Variants in CNTN5 observed in about 807,000 individuals in gnomAD.
CNTN5 encodes the protein contactin-5.
CNTN5 carries 77 observed loss-of-function variants against 129.1 expected under a neutral mutation model. That is an observed-to-expected ratio of 0.60 (90% CI 0.50 to 0.72). CNTN5 has a LOEUF of 0.72. Ranked by LOEUF, CNTN5 falls within the 30% of genes least tolerant of loss-of-function variation. The pLI is 0.00. For missense variants in CNTN5, 1,478 were observed against 1,328.8 expected, an observed-to-expected ratio of 1.11 and a Z score of -1.75; for synonymous variants, 509 against 465.6, an observed-to-expected ratio of 1.09 and a Z score of -1.20.
intron 1 of CNTN5, among the ~76,000 whole-genome samples, chr11:99,267,360 G>T (rs892455301): frequency 1.3e-5 from 2 of 151,986 alleles, no homozygotes; most frequent in African/African-American, 4.8e-5. Flanking sequence ...ATGGAATGAT[G>T]AAGAAAATAT....
At chr11:100,120,096 C>CT (rs34801879) in intron 13 of CNTN5, among the ~76,000 whole-genome samples, 120,595 of 151,780 alleles carry the variant, frequency 0.79, 48,683 homozygotes, top group East Asian at 1. Flanking sequence ...ATAATATCTC[C>CT]TTTATGCCTG....
intron 1 of CNTN5, among the ~76,000 whole-genome samples, chr11:99,131,524 AAG>A (rs1366451843): frequency 6.6e-6 from 1 of 152,044 alleles, no homozygotes; most frequent in Non-Finnish European, 1.5e-5. Context: ...TAAAGAAGAA[AAG>A]AGAGAAGATT....
intron 1 of CNTN5, among the ~76,000 whole-genome samples, chr11:99,106,157 A>G (rs2135367164): frequency 6.6e-6 from 1 of 152,232 alleles, no homozygotes; most frequent in African/African-American, 2.4e-5. Flanking sequence ...AGAAAACACG[A>G]AGGATTTGCC....
intron 2 of CNTN5, among the ~76,000 whole-genome samples, chr11:99,394,884 T>G (rs1299176580): frequency 1.3e-5 from 2 of 151,922 alleles, no homozygotes; most frequent in African/African-American, 4.8e-5. Flanking sequence ...TTTTTCTTTT[T>G]TATTGCATAG....
At chr11:99,863,117 G>C (rs1447158594) in intron 6 of CNTN5, among the ~76,000 whole-genome samples, 1 of 152,120 alleles carries the variant, frequency 6.6e-6, no homozygotes, top group Non-Finnish European at 1.5e-5. Context: ...TGTTGTGTTA[G>C]AGAAAATAAT....
intron 2 of CNTN5, among the ~76,000 whole-genome samples, chr11:99,399,324 T>C (rs1941682153): frequency 6.6e-6 from 1 of 151,754 alleles, no homozygotes; most frequent in Non-Finnish European, 1.5e-5. Flanking sequence ...TTTGAAAAAT[T>C]CTAAATTATG....
In CNTN5 at chr11:99,727,312, C is replaced by CAA. The variant is rs397936738; in HGVS notation, c.56-92211_56-92210dup. ...TGGGCGACAGAGCGAGACTCCGTCT[C>CAA]AAAAAAAAAAAAAAAAAAAAAATTC... On this transcript the variant is annotated intron_variant, in intron 3 of 24. Coordinates refer to ENST00000524871, the MANE Select transcript of CNTN5 (RefSeq NM_014361.4). Among the ~76,000 whole-genome samples the CAA allele has an allele frequency of 3.7e-3, 89 of 24,190 alleles. 7 individuals are homozygous for CAA. The highest frequency in any genetic ancestry group is 7.5e-3 in the East Asian group (2 of 266). The allele number at this position is 24,190 out of a possible 152,430, so 15.9% of individuals were successfully genotyped here. A position where few individuals can be genotyped will look rare whatever the true frequency, so the allele number is the denominator to read the frequency against.
At chr11:99,107,523 G>C (rs1299140092) in intron 1 of CNTN5, among the ~76,000 whole-genome samples, 2 of 151,832 alleles carry the variant, frequency 1.3e-5, no homozygotes, top group Non-Finnish European at 2.9e-5. Context: ...TAGGCTCTAA[G>C]AAACTTAATT....
At chr11:99,886,729 T>C (rs1176756014) in intron 6 of CNTN5, among the ~76,000 whole-genome samples, 1 of 152,162 alleles carries the variant, frequency 6.6e-6, no homozygotes, top group Non-Finnish European at 1.5e-5. Flanking sequence ...AAATGAAATA[T>C]GTTAATATGT....
At chr11:99,769,241 C>T (rs1944862088) in intron 3 of CNTN5, among the ~76,000 whole-genome samples, 1 of 152,116 alleles carries the variant, frequency 6.6e-6, no homozygotes, top group African/African-American at 2.4e-5. Context: ...CAACAAAATA[C>T]TCAGGGCCCA....
rs1950323080 is a variant in CNTN5, at chr11:99,936,690, A to T, written c.674-20116A>T. Among the ~76,000 whole-genome samples the T allele has an allele frequency of 3.9e-5, 6 of 152,204 alleles. No homozygotes were observed. The South Asian group carries it at 1.2e-3, about 31-fold the overall frequency. ...ATAGTCCTGCAGATCAAGCAGCCAGATGTGACTAAGAAAATGATGAAAGTG... is the reference window on the plus strand; with the variant it reads ...ATAGTCCTGCAGATCAAGCAGCCAGTTGTGACTAAGAAAATGATGAAAGTG... On this transcript the variant is annotated intron_variant, in intron 7 of 24. Transcript: ENST00000524871.
intron 3 of CNTN5, among the ~76,000 whole-genome samples, chr11:99,697,600 A>G (rs1954328403): frequency 6.6e-6 from 1 of 151,718 alleles, no homozygotes; most frequent in Admixed American, 6.6e-5. Flanking sequence ...AGATGTGTTG[A>G]ATAATGTAAA....
intron 2 of CNTN5, among the ~76,000 whole-genome samples, chr11:99,496,511 G>A (rs1186286779): frequency 2.0e-5 from 3 of 152,112 alleles, no homozygotes; most frequent in African/African-American, 7.2e-5. Flanking sequence ...TCAACTGTCA[G>A]GTCTTACCTA....
chr11:99,393,230 C>A (rs573186746), intron 2 of CNTN5, among the ~76,000 whole-genome samples: 1 of 151,808 alleles, frequency 6.6e-6, no homozygotes, highest in African/African-American at 2.4e-5. Flanking sequence ...ACTCAGGTTA[C>A]AGGAAGACAT....
At chr11:100,168,235 G>A (rs117729229) in intron 13 of CNTN5, among the ~76,000 whole-genome samples, 1 of 152,044 alleles carries the variant, frequency 6.6e-6, no homozygotes, top group East Asian at 1.9e-4. Context: ...ATAACTAAGG[G>A]CATTGATGAA....
intron 3 of CNTN5, among the ~76,000 whole-genome samples, chr11:99,616,157 C>T (rs567861049): frequency 2.7e-4 from 41 of 152,260 alleles, no homozygotes; most frequent in Non-Finnish European, 5.3e-4. Context: ...TAGAATTATT[C>T]TATCACCTCA....
chr11:99,403,849 T>TTG (rs1372939030), intron 2 of CNTN5, among the ~76,000 whole-genome samples: 1 of 152,128 alleles, frequency 6.6e-6, no homozygotes, highest in East Asian at 1.9e-4. Flanking sequence ...ATGAAAAGTT[T>TTG]TATAAGTATC....
intron 3 of CNTN5, among the ~76,000 whole-genome samples, chr11:99,634,009 A>G (rs765022987): frequency 3.6e-4 from 55 of 152,206 alleles, no homozygotes; most frequent in Non-Finnish European, 6.0e-4. Flanking sequence ...GTTAGCATAC[A>G]CTTTGTCTCA....
At chr11:99,727,075 G>A (rs367558814) in intron 3 of CNTN5, among the ~76,000 whole-genome samples, 1 of 151,186 alleles carries the variant, frequency 6.6e-6, no homozygotes, top group Non-Finnish European at 1.5e-5. Context: ...GGGAGGCCGA[G>A]GCTGGTGGAT....
Sources: gnomAD v4.1 joint callset for allele counts (sites outside exome capture counted in the v4.1 genomes callset) on GRCh38, gnomAD v4.1.1 for gene constraint, MANE v1.5 for transcripts, NCBI Gene and HGNC (gene_info 2026-07-23, HGNC 2026-07-21) for gene names.